SLC22A8: variants seen among roughly 807,000 people sequenced by gnomAD.
The protein encoded by SLC22A8 is solute carrier family 22 member 8.
Under a neutral mutation model 48.4 loss-of-function variants are expected in SLC22A8, and 40 were observed. The ratio of observed to expected loss-of-function variants is 0.83; its 90% CI spans 0.64 to 1.08. The LOEUF is 1.08. Among genes scored for constraint, SLC22A8 ranks in the 50% least tolerant of loss-of-function variants. The probability of loss-of-function intolerance (pLI) is 0.00; values close to 1 mark genes in which losing one functional copy is unlikely to be tolerated. For missense variants in SLC22A8, 606 were observed against 699.0 expected, an observed-to-expected ratio of 0.87 and a Z score of 1.50; for synonymous variants, 268 against 286.3, an observed-to-expected ratio of 0.94 and a Z score of 0.65.
chr11:63,003,046 T>G (rs181044667), intron 2 of SLC22A8, among the ~76,000 whole-genome samples: 119 of 152,310 alleles, frequency 7.8e-4, no homozygotes, highest in African/African-American at 2.8e-3. Context: ...GGTGCCTGTC[T>G]TGCCTAAAGT....
intron 5 of SLC22A8, 106 bp from the exon 6 acceptor site, chr11:62,996,258 C>T: frequency 8.8e-7 from 1 of 1,137,668 alleles, no homozygotes; most frequent in Non-Finnish European, 1.2e-6. Flanking sequence ...GGACCAGAAA[C>T]CTGAGCTATC....
At chr11:63,006,234 C>T (rs957331981) in intron 2 of SLC22A8, among the ~76,000 whole-genome samples, 2 of 152,130 alleles carry the variant, frequency 1.3e-5, no homozygotes, top group Admixed American at 1.3e-4. Flanking sequence ...CCTTGGATTC[C>T]ATCAGGTTAC....
chr11:62,999,432 C>A (rs1415066661), intron 4 of SLC22A8: 2 of 470,832 alleles, frequency 4.2e-6, no homozygotes, highest in Non-Finnish European at 7.5e-6. Flanking sequence ...GTGTCACTTA[C>A]TTGCAAGTGG....
rs184114494 is a variant in SLC22A8, at chr11:63,008,922, C to T, written c.333+5704G>A. Among the ~76,000 whole-genome samples the T allele has an allele frequency of 4.9e-4, 74 of 152,220 alleles. 3 individuals are homozygous for T. The highest frequency in any genetic ancestry group is 4.6e-4 in the Admixed American group (7 of 15,306). On this transcript the variant is annotated intron_variant, in intron 2 of 10. Transcript: ENST00000336232. ...CGAGAGAAGGGATGCAAACACCAGC[C>T]CAGGTCCCTGCGTACAGTGGGTGCT... is the stretch of plus-strand genomic sequence containing the variant.
chr11:62,996,211 C>G, intron 5 of SLC22A8, 59 bp from the exon 6 acceptor site: 1 of 1,520,996 alleles, frequency 6.6e-7, no homozygotes. Context: ...TTTTGAGAGG[C>G]TGGAAGAACA....
intron 2 of SLC22A8, among the ~76,000 whole-genome samples, chr11:63,007,067 G>A (rs894325716): frequency 1.5e-4 from 23 of 152,184 alleles, no homozygotes; most frequent in Admixed American, 1.3e-3. Flanking sequence ...TATAGCAGAT[G>A]TCTTGATTAT....
chr11:62,996,176 G>A lies in SLC22A8; in HGVS notation c.762-24C>T, dbSNP rs1331912692. ...ACCTGGGGGCCAGAGACCAGTCACA[G>A]TGGCTCCTCCCACTCCAGAGCCCCT... is the stretch of plus-strand genomic sequence containing the variant. On this transcript the variant is annotated intron_variant, in intron 5 of 10. Transcript: ENST00000336232. 7 of 1,576,986 alleles carry A rather than the reference G, an allele frequency of 4.4e-6. No homozygotes were observed. The East Asian group carries it at 6.7e-5, about 15-fold the overall frequency.
Position 62,992,997 on chromosome 11 carries a change from A to C in SLC22A8, c.*240T>G. 1 of 526,104 alleles carries C rather than the reference A, an allele frequency of 1.9e-6. No homozygotes were observed. The highest frequency in any genetic ancestry group is 3.4e-6 in the Non-Finnish European group (1 of 297,196). 32.6% of individuals were successfully genotyped at this position (526,104 alleles called of 1,614,324 possible). A position where few individuals can be genotyped will look rare whatever the true frequency, so the allele number is the denominator to read the frequency against. On this transcript the variant is annotated 3_prime_UTR_variant, in exon 11 of 11. Transcript: ENST00000336232. ...AGTGGGGGAAGGTGGCCAGTGGGGA[A>C]GGGCTAGACAGAAGAATGGCAGGGC...
At chr11:63,011,176 C>A (rs1194609866) in intron 2 of SLC22A8, among the ~76,000 whole-genome samples, 1 of 152,198 alleles carries the variant, frequency 6.6e-6, no homozygotes, top group Non-Finnish European at 1.5e-5. Context: ...GGCTCTGGAG[C>A]CTGACTCCTG....
chr11:62,999,905 C>G (rs2086471229), intron 3 of SLC22A8, 63 bp from the exon 4 acceptor site: 1 of 1,362,090 alleles, frequency 7.3e-7, no homozygotes, highest in Non-Finnish European at 9.6e-7. Flanking sequence ...AGGAGTGACT[C>G]TGCATGCTGT....
At position 62,993,770 on chromosome 11, in the gene SLC22A8, C is replaced by G; in HGVS notation, c.1325G>C (p.Arg442Thr). 8 of 1,610,642 alleles carry G rather than the reference C, an allele frequency of 5.0e-6. No homozygotes were observed. Among genetic ancestry groups the G allele is most frequent in the Non-Finnish European group, 6.8e-6 (8 of 1,176,782 alleles). ...GCCTGGCCCCAGGTCCAGCACCTAC[C>G]TGATGACTGTGGGGTATAATTCACT... ...YTSELYPTVIRQTGMGVSNLW... is the reference protein window; with the variant it reads ...YTSELYPTVITQTGMGVSNLW... Residue 442 changes from arginine to threonine, a missense_variant and splice_region_variant, in exon 9 of 11, where the codon AGG (arginine) becomes ACG (threonine). Physicochemically the swap from Arg to Thr is moderately conservative, Grantham distance 71. Transcript: ENST00000336232.
At chr11:63,013,797 C>A (rs1179623745) in intron 2 of SLC22A8, among the ~76,000 whole-genome samples, 1 of 152,178 alleles carries the variant, frequency 6.6e-6, no homozygotes, top group African/African-American at 2.4e-5. Flanking sequence ...ACAAAGCCCC[C>A]AAATGTGCCT....
chr11:62,994,425 G>C (rs961404766), intron 8 of SLC22A8, 117 bp downstream of exon 8: 3 of 729,420 alleles, frequency 4.1e-6, no homozygotes, highest in East Asian at 2.7e-5. Flanking sequence ...GCCCCAGAGA[G>C]TGCAGGGACC....
At position 62,999,683 on chromosome 11, in the gene SLC22A8, C is replaced by G; in HGVS notation, c.592+5G>C. 1.3e-6 allele frequency: 2 copies of G among 1,552,504 alleles called. No individual in the cohort carries two copies. The highest frequency in any genetic ancestry group is 1.7e-6 in the Non-Finnish European group (2 of 1,147,498). On this transcript the variant is annotated splice_donor_5th_base_variant and intron_variant, in intron 4 of 10. Coordinates refer to ENST00000336232, the MANE Select transcript of SLC22A8 (RefSeq NM_004254.4). ...AGCCCAGCTCCATGCCCCACTGCAG[C>G]TCACTCAAGATGACGGTGCTCAGGG...
At chr11:63,004,557 T>A (rs2086533733) in intron 2 of SLC22A8, among the ~76,000 whole-genome samples, 2 of 152,346 alleles carry the variant, frequency 1.3e-5, no homozygotes, top group South Asian at 2.1e-4. Flanking sequence ...TGTTATCTTC[T>A]CAGTGAGACC....
At chr11:63,006,897 G>A (rs1237050202) in intron 2 of SLC22A8, among the ~76,000 whole-genome samples, 7 of 151,824 alleles carry the variant, frequency 4.6e-5, no homozygotes, top group East Asian at 1.9e-4. Flanking sequence ...GTGAGCCACC[G>A]CGCCCAGCCT....
intron 4 of SLC22A8, 81 bp from the exon 5 acceptor site, chr11:62,999,170 TC>T: frequency 1.6e-6 from 2 of 1,248,626 alleles, no homozygotes; most frequent in Non-Finnish European, 2.3e-6. Context: ...AGCTTCTGCA[TC>T]CCCACGGCTA....
Position 62,999,826 on chromosome 11 carries a change from T to C in SLC22A8, c.454A>G (p.Ile152Val). The part of the protein sequence containing the change: ...DLSDRFGRRP[I>V]LTCSYLLLAA... ...AGCAGCAGGTAGCTGCAGGTCAGGA[T>C]GGGCCTGCGGCCAAACCTGTAGCTC... The change falls in exon 4 of 11, where the codon ATC (isoleucine) becomes GTC (valine). Residue 152 changes from isoleucine (I) to valine (V), a missense_variant. Ile to Val is a conservative substitution (Grantham distance 29, BLOSUM62 3). Transcript: ENST00000336232. 1 of 1,578,224 alleles carries C rather than the reference T, an allele frequency of 6.3e-7. No individual in the cohort carries two copies. Among genetic ancestry groups the C allele is most frequent in the Non-Finnish European group, 8.6e-7 (1 of 1,161,804 alleles).
chr11:62,999,137 G>T, intron 4 of SLC22A8, 48 bp from the exon 5 acceptor site: 1 of 1,542,204 alleles, frequency 6.5e-7, no homozygotes, highest in Non-Finnish European at 8.9e-7. Context: ...TAGGTCCCAG[G>T]CACCTCCGCG....
Sources: allele counts gnomAD v4.1 joint callset (sites outside exome capture counted in the v4.1 genomes callset), GRCh38; gene constraint gnomAD v4.1.1; transcripts MANE v1.5; gene names NCBI Gene and HGNC (gene_info 2026-07-23, HGNC 2026-07-21).